FRMD5: variants seen among roughly 807,000 people sequenced by gnomAD.
FRMD5 encodes the protein FERM domain-containing protein 5.
In FRMD5, 20 loss-of-function variants were observed where a neutral mutation model predicts 69.0. The ratio of observed to expected loss-of-function variants is 0.29; its 90% CI spans 0.20 to 0.42. The LOEUF is 0.42. Among genes scored for constraint, FRMD5 ranks in the 10% least tolerant of loss-of-function variants. The probability of loss-of-function intolerance (pLI) is 1.00; values close to 1 mark genes in which losing one functional copy is unlikely to be tolerated. For missense variants in FRMD5, 595 were observed against 708.6 expected, an observed-to-expected ratio of 0.84 and a Z score of 1.82; for synonymous variants, 271 against 260.1, an observed-to-expected ratio of 1.04 and a Z score of -0.40.
intron 1 of FRMD5, among the ~76,000 whole-genome samples, chr15:44,035,214 T>C (rs1891854540): frequency 6.6e-6 from 1 of 152,168 alleles, no homozygotes; most frequent in South Asian, 2.1e-4. Flanking sequence ...AAAAACACTC[T>C]ACATAACCAG....
At chr15:44,156,553 A>G (rs1470908274) in intron 1 of FRMD5, among the ~76,000 whole-genome samples, 1 of 152,242 alleles carries the variant, frequency 6.6e-6, no homozygotes, top group African/African-American at 2.4e-5. Flanking sequence ...CCCTTAAAAC[A>G]TGTGAGTCCA....
intron 1 of FRMD5, among the ~76,000 whole-genome samples, chr15:44,086,535 T>G (rs1220237210): frequency 6.6e-6 from 1 of 152,104 alleles, no homozygotes; most frequent in Non-Finnish European, 1.5e-5. Flanking sequence ...AGCAGATTAG[T>G]GGTTGCCAGG....
chr15:43,900,964 T>C (rs747472863), intron 7 of FRMD5, among the ~76,000 whole-genome samples: 1 of 152,184 alleles, frequency 6.6e-6, no homozygotes, highest in Non-Finnish European at 1.5e-5. Context: ...AATTCATATG[T>C]TGACATTGTA....
chr15:43,888,519 C>T (rs933824838), intron 9 of FRMD5, among the ~76,000 whole-genome samples: 1 of 152,188 alleles, frequency 6.6e-6, no homozygotes, highest in African/African-American at 2.4e-5. Flanking sequence ...GAGAAAGTTG[C>T]CCTTGCCTCT....
intron 1 of FRMD5, among the ~76,000 whole-genome samples, chr15:44,019,468 C>T (rs564982164): frequency 6.6e-6 from 1 of 150,466 alleles, no homozygotes; most frequent in South Asian, 2.1e-4. Flanking sequence ...AGGCACGGTG[C>T]CTCACACCTG....
intron 1 of FRMD5, among the ~76,000 whole-genome samples, chr15:44,179,492 A>C (rs2077958529): frequency 6.6e-6 from 1 of 152,258 alleles, no homozygotes; most frequent in Non-Finnish European, 1.5e-5. Flanking sequence ...CGAGAACCTG[A>C]AATCAGTTGA....
chr15:43,941,654 A>G (rs980371842), intron 1 of FRMD5, among the ~76,000 whole-genome samples: 7 of 152,354 alleles, frequency 4.6e-5, no homozygotes, highest in South Asian at 2.1e-4. Context: ...TAAAAGCTGC[A>G]AAAATAAAAG....
At chr15:43,901,853 G>T (rs895423707) in intron 7 of FRMD5, 1 of 301,960 alleles carries the variant, frequency 3.3e-6, no homozygotes, top group Non-Finnish European at 6.2e-6. Flanking sequence ...GCACTGAGCC[G>T]CCTCTGATCG....
intron 1 of FRMD5, among the ~76,000 whole-genome samples, chr15:43,971,628 TAAAA>T (rs753940718): frequency 1.7e-5 from 2 of 117,754 alleles, no homozygotes; most frequent in Non-Finnish European, 1.8e-5. Flanking sequence ...AGGTTGCATC[TAAAA>T]AAAAAAAAAA....
intron 1 of FRMD5, among the ~76,000 whole-genome samples, chr15:44,060,622 T>A (rs375803367): frequency 1.3e-5 from 2 of 152,178 alleles, no homozygotes; most frequent in South Asian, 4.1e-4. Context: ...ATTTTTTTAG[T>A]CCCCAAATGG....
At chr15:43,908,146 G>A (rs1172951453) in intron 5 of FRMD5, among the ~76,000 whole-genome samples, 2 of 151,788 alleles carry the variant, frequency 1.3e-5, no homozygotes. Context: ...GGGCAATGTG[G>A]TGAAACCCCA....
chr15:43,906,061 A>AT, intron 5 of FRMD5, 110 bp from the exon 6 acceptor site: 2 of 1,345,222 alleles, frequency 1.5e-6, no homozygotes, highest in Non-Finnish European at 2.1e-6. Flanking sequence ...CATCAGATTT[A>AT]TAAGAAACAG....
intron 1 of FRMD5, among the ~76,000 whole-genome samples, chr15:44,187,281 T>G (rs2078117841): frequency 6.6e-6 from 1 of 152,192 alleles, no homozygotes; most frequent in African/African-American, 2.4e-5. Context: ...TCTTAATTTG[T>G]GTTATACAAT....
At chr15:44,064,061 C>A in intron 1 of FRMD5, 1 of 210,752 alleles carries the variant, frequency 4.7e-6, no homozygotes, top group Non-Finnish European at 9.7e-6. Context: ...ATCACGGACA[C>A]CCAGAAGACT....
rs2088220895 is a variant in FRMD5, at chr15:43,873,497, T to A, written c.*388A>T. On this transcript the variant is annotated 3_prime_UTR_variant, in exon 14 of 14. Transcript: ENST00000417257. ...GCAGCTCTCTAGTTTTCAACTAGTG[T>A]CCCCTCTGCTAGGTGATACTACTGC... is the stretch of plus-strand genomic sequence containing the variant. 7.0e-7 allele frequency: 1 copy of A among 1,420,506 alleles called. No homozygotes were observed. The highest frequency in any genetic ancestry group is 1.5e-5 in the African/African-American group (1 of 68,650). The allele number at this position is 1,420,506 out of a possible 1,614,324, so 88.0% of individuals were successfully genotyped here. A position where few individuals can be genotyped will look rare whatever the true frequency, so the allele number is the denominator to read the frequency against.
intron 1 of FRMD5, among the ~76,000 whole-genome samples, chr15:44,061,634 G>A (rs1260251889): frequency 6.6e-6 from 1 of 152,186 alleles, no homozygotes; most frequent in Non-Finnish European, 1.5e-5. Flanking sequence ...AGTCCATAAA[G>A]TTTGACATTT....
chr15:44,078,908 A>T (rs1334984261), intron 1 of FRMD5, among the ~76,000 whole-genome samples: 2 of 152,116 alleles, frequency 1.3e-5, no homozygotes, highest in Non-Finnish European at 2.9e-5. Flanking sequence ...AAAACAGATA[A>T]ATTGGACTTC....
At chr15:43,982,989 G>GGT (rs1566878667) in intron 1 of FRMD5, among the ~76,000 whole-genome samples, 1 of 152,182 alleles carries the variant, frequency 6.6e-6, no homozygotes, top group Non-Finnish European at 1.5e-5. Context: ...GGAGTACAGT[G>GGT]GTGTGATCTT....
intron 13 of FRMD5, among the ~76,000 whole-genome samples, chr15:43,882,660 G>A (rs1417865744): frequency 2.0e-5 from 3 of 150,454 alleles, no homozygotes; most frequent in Non-Finnish European, 4.4e-5. Context: ...CCCAGCCAAC[G>A]GGACAGATTT....
Sources: gnomAD v4.1 joint callset for allele counts (sites outside exome capture counted in the v4.1 genomes callset) on GRCh38, gnomAD v4.1.1 for gene constraint, MANE v1.5 for transcripts, NCBI Gene and HGNC (gene_info 2026-07-23, HGNC 2026-07-21) for gene names.